The following C8orf89 variants were observed in gnomAD, a reference collection of about 807,000 sequenced individuals.
C8orf89 encodes chromosome 8 open reading frame 89, also known as putative uncharacterized protein C8orf89.
C8orf89 carries 14 observed loss-of-function variants against 15.8 expected under a neutral mutation model. That is an observed-to-expected ratio of 0.89 (90% CI 0.59 to 1.39). The LOEUF (loss-of-function observed/expected upper bound fraction) is 1.39, where lower values mean the gene tolerates loss of function less well. C8orf89 is among the 40% of genes most tolerant of loss of function. C8orf89 has a pLI of 0.00. For synonymous variants in C8orf89, 55 were observed against 62.2 expected (o/e 0.88, Z 0.54); for missense variants, 181 against 184.5 (o/e 0.98, Z 0.11).
chr8:73,270,940 T>A, the C8orf89 span, among the ~76,000 whole-genome samples: 4 of 152,298 alleles, frequency 2.6e-5, no homozygotes, highest in East Asian at 7.7e-4. Flanking sequence ...TTTCCCTAAA[T>A]AAAGTTCTGT....
the C8orf89 span, chr8:73,277,573 A>C: frequency 5.3e-6 from 4 of 757,108 alleles, no homozygotes; most frequent in East Asian, 9.8e-5. Flanking sequence ...GAAGTACCAC[A>C]CTCCCAGACA....
chr8:73,272,728 G>T, the C8orf89 span, among the ~76,000 whole-genome samples: 2 of 152,048 alleles, frequency 1.3e-5, no homozygotes, highest in Admixed American at 1.3e-4. Flanking sequence ...CCTTGCGATA[G>T]TTTGCTGAGA....
At chr8:73,271,324 G>T in the C8orf89 span, among the ~76,000 whole-genome samples, 1 of 152,338 alleles carries the variant, frequency 6.6e-6, no homozygotes, top group South Asian at 2.1e-4. Flanking sequence ...GGTCATGGGA[G>T]TGGATCTCTC....
chr8:73,260,884 T>C (rs925640784), upstream of C8orf89, among the ~76,000 whole-genome samples: 2 of 152,186 alleles, frequency 1.3e-5, no homozygotes, highest in Non-Finnish European at 2.9e-5. Flanking sequence ...TTAATCTGGG[T>C]GGACACGATC....
chr8:73,258,196 G>A lies in C8orf89; in HGVS notation c.128-1070C>T, dbSNP rs375375058. Among the ~76,000 whole-genome samples, 46 of 152,222 alleles carry A rather than the reference G, an allele frequency of 3.0e-4. No homozygotes were observed. The South Asian group carries it at 8.9e-3, about 29-fold the overall frequency. ...GGAGTCCGAGGTGGGCAGATCACAA[G>A]GTCAGGAGATCGAGACCATCCTGGC... On this transcript the variant is annotated intron_variant, in intron 1 of 3. Coordinates refer to ENST00000624510, the MANE Select transcript of C8orf89 (RefSeq NM_001243237.3).
chr8:73,282,615 T>A, the C8orf89 span, among the ~76,000 whole-genome samples: 2 of 152,342 alleles, frequency 1.3e-5, no homozygotes, highest in African/African-American at 4.8e-5. Flanking sequence ...GTGGTCTATA[T>A]TTTCTTGAGT....
intron 3 of C8orf89, among the ~76,000 whole-genome samples, chr8:73,244,644 T>C (rs1370999352): frequency 6.6e-6 from 1 of 152,158 alleles, no homozygotes; most frequent in Non-Finnish European, 1.5e-5. Flanking sequence ...TTTCTGTTTG[T>C]TTTGTTTTGT....
rs956709744 is a variant in C8orf89 at position 73,256,120 on chromosome 8, AAT to A, written c.281+851_281+852del. ...AACTTAAAGTATAATAATAATAAAAAATAAATAACAAATAATAATAATAATAA... is the reference window on the plus strand; with the variant it reads ...AACTTAAAGTATAATAATAATAAAAAAAATAACAAATAATAATAATAATAA... On this transcript the variant is annotated intron_variant, in intron 2 of 3. Coordinates refer to ENST00000624510, the MANE Select transcript of C8orf89 (RefSeq NM_001243237.3). Among the ~76,000 whole-genome samples the A allele has an allele frequency of 6.2e-5, 9 of 145,016 alleles. No individual in the cohort carries two copies. In the South Asian group the frequency reaches 1.5e-3, roughly 24 times the overall value.
At chr8:73,253,934 T>C (rs977764060) in intron 2 of C8orf89, among the ~76,000 whole-genome samples, 1,628 of 151,596 alleles carry the variant, frequency 0.011, 34 homozygotes, top group African/African-American at 0.037. Context: ...TTCCTTCTCC[T>C]GCCTAATTGC....
chr8:73,250,710 A>C (rs928207539), intron 2 of C8orf89, among the ~76,000 whole-genome samples: 19 of 152,194 alleles, frequency 1.2e-4, no homozygotes, highest in Non-Finnish European at 2.8e-4. Context: ...TCCCACTGAA[A>C]TACATCTAGA....
At chr8:73,261,524 G>C (rs1437805874), upstream of C8orf89, among the ~76,000 whole-genome samples, 1 of 152,052 alleles carries the variant, frequency 6.6e-6, no homozygotes, top group Non-Finnish European at 1.5e-5. Flanking sequence ...GTAGGGAGAG[G>C]CGAGCCCTCC....
the C8orf89 span, among the ~76,000 whole-genome samples, chr8:73,278,845 T>C: frequency 0.018 from 2,729 of 152,326 alleles, 84 homozygotes; most frequent in African/African-American, 0.062. Context: ...TCTTTAACTA[T>C]AGTCATTTTA....
chr8:73,253,261 G>GT (rs1257833284), intron 2 of C8orf89, among the ~76,000 whole-genome samples: 1 of 152,206 alleles, frequency 6.6e-6, no homozygotes, highest in Non-Finnish European at 1.5e-5. Context: ...CCTCTGGAGA[G>GT]TTTTCTTTTA....
chr8:73,245,102 C>G (rs1475776793), intron 3 of C8orf89, among the ~76,000 whole-genome samples: 1 of 152,118 alleles, frequency 6.6e-6, no homozygotes, highest in East Asian at 1.9e-4. Flanking sequence ...AAGGGGTTTC[C>G]TCTTATAAAA....
the C8orf89 span, among the ~76,000 whole-genome samples, chr8:73,285,426 T>G: frequency 3.9e-5 from 6 of 152,208 alleles, no homozygotes. Context: ...CATCATAAAG[T>G]GCATCTAGAG....
intron 2 of C8orf89, among the ~76,000 whole-genome samples, chr8:73,254,363 A>G (rs1026220361): frequency 7.9e-5 from 12 of 152,218 alleles, no homozygotes; most frequent in African/African-American, 2.4e-4. Context: ...TTTTGCATCA[A>G]TGTTCATCAA....
rs765309533 is a variant in C8orf89 at position 73,241,340 on chromosome 8, ATATT to A, written c.*113_*116del. 9.8e-6 allele frequency: 8 copies of A among 819,520 alleles called. No homozygotes were observed. In the Admixed American group the frequency reaches 1.1e-4, roughly 12 times the overall value. The allele number at this position is 819,520 out of a possible 1,614,324, so 50.8% of individuals were successfully genotyped here. On this transcript the variant is annotated 3_prime_UTR_variant, in exon 4 of 4. Transcript: ENST00000624510. ...ACAAATGACTCATCTATAATGTAAA[ATATT>A]TATTTATTTACATTTCCATTTTTAT...
At chr8:73,259,305 T>C (rs1426022511) in intron 1 of C8orf89, 27 bp downstream of exon 1, 21 of 1,407,860 alleles carry the variant, frequency 1.5e-5, no homozygotes, top group Non-Finnish European at 1.9e-5. Flanking sequence ...TATGTTTTCT[T>C]AAGGAAAATA....
the C8orf89 span, among the ~76,000 whole-genome samples, chr8:73,276,580 A>G: frequency 2.6e-5 from 4 of 152,162 alleles, no homozygotes; most frequent in African/African-American, 9.7e-5. Context: ...ATTTCACTTT[A>G]TAATTTACCT....
Sources: allele counts gnomAD v4.1 joint callset (sites outside exome capture counted in the v4.1 genomes callset), GRCh38; gene constraint gnomAD v4.1.1; transcripts MANE v1.5; gene names NCBI Gene and HGNC (gene_info 2026-07-23, HGNC 2026-07-21).